The following TMEM164 variants were observed in gnomAD, a reference collection of about 807,000 sequenced individuals.
TMEM164 encodes the protein transmembrane protein 164.
TMEM164 carries 4 observed loss-of-function variants against 18.8 expected under a neutral mutation model. That is an observed-to-expected ratio of 0.21 (90% CI 0.10 to 0.49). The LOEUF is 0.49. Among genes scored for constraint, TMEM164 ranks in the 20% least tolerant of loss-of-function variants. The pLI is 0.98. For synonymous variants in TMEM164, 86 were observed against 101.7 expected (o/e 0.85, Z 0.93); for missense variants, 108 against 239.9 (o/e 0.45, Z 3.63).
At chrX:110,167,593 C>T (rs1044343836) in intron 5 of TMEM164, among the ~76,000 whole-genome samples, 9 of 111,348 alleles carry the variant, frequency 8.1e-5, no homozygotes, top group Admixed American at 2.9e-4. Flanking sequence ...AATATCTTTG[C>T]GCAAATTAGG....
chrX:110,062,112 A>G (rs920204951), intron 2 of TMEM164, among the ~76,000 whole-genome samples: 5 of 112,295 alleles, frequency 4.5e-5, no homozygotes, highest in Non-Finnish European at 9.4e-5. Flanking sequence ...GCTTCCATAA[A>G]TAAAAACCTA....
At chrX:110,034,420 C>T (rs951577587) in intron 2 of TMEM164, among the ~76,000 whole-genome samples, 2 of 112,379 alleles carry the variant, frequency 1.8e-5, no homozygotes, top group Admixed American at 1.9e-4. Context: ...CTGTAAAGGG[C>T]CAGATAGTAA....
At chrX:110,079,979 A>G (rs998134042) in intron 3 of TMEM164, among the ~76,000 whole-genome samples, 1 of 110,928 alleles carries the variant, frequency 9.0e-6, no homozygotes, top group African/African-American at 3.3e-5. Flanking sequence ...TTAAAGTATA[A>G]TAATAATTAA....
At chrX:110,100,500 T>C (rs1379804169) in intron 3 of TMEM164, among the ~76,000 whole-genome samples, 1 of 111,893 alleles carries the variant, frequency 8.9e-6, no homozygotes, top group African/African-American at 3.2e-5. Context: ...ATTTGGTGAA[T>C]TATATTAATT....
intron 2 of TMEM164, among the ~76,000 whole-genome samples, chrX:110,055,792 G>C (rs745551260): frequency 9.0e-6 from 1 of 110,873 alleles, no homozygotes; most frequent in Non-Finnish European, 1.9e-5. Context: ...GGAAGGAATA[G>C]CGAGAAGAAA....
Position 110,027,191 on chromosome X carries a change from A to G in TMEM164, c.390+23027A>G, listed in dbSNP as rs759638591. Among the ~76,000 whole-genome samples, 159 of 111,361 alleles carry G rather than the reference A, an allele frequency of 1.4e-3. 1 individual carries two copies. The highest frequency in any genetic ancestry group is 4.8e-3 in the African/African-American group (148 of 30,619). On this transcript the variant is annotated intron_variant, in intron 2 of 6. Transcript: ENST00000372068. Reference sequence around the variant, plus strand: ...TATAATTTTTTTGTTGGTATTATTTATTAGATTATAGAAGTTCCCTCCTAT... The same window carrying G: ...TATAATTTTTTTGTTGGTATTATTTGTTAGATTATAGAAGTTCCCTCCTAT...
intron 3 of TMEM164, among the ~76,000 whole-genome samples, chrX:110,108,279 TTTAA>T (rs1422064772): frequency 9.1e-6 from 1 of 110,460 alleles, no homozygotes; most frequent in Non-Finnish European, 1.9e-5. Flanking sequence ...ACCATTTGCC[TTTAA>T]TAATGAAGGA....
chrX:110,092,967 T>C (rs1173684321), intron 3 of TMEM164, among the ~76,000 whole-genome samples: 2 of 112,094 alleles, frequency 1.8e-5, no homozygotes, highest in Non-Finnish European at 3.8e-5. Context: ...ATTGAGATAA[T>C]CGTGTGGTTT....
At chrX:110,111,425 ATC>A (rs1376578180) in intron 4 of TMEM164, among the ~76,000 whole-genome samples, 4 of 112,421 alleles carry the variant, frequency 3.6e-5, no homozygotes, top group African/African-American at 1.3e-4. Flanking sequence ...CTATCTTATC[ATC>A]TCTCTGCTCC....
At chrX:110,159,270 G>A (rs1054670886) in intron 5 of TMEM164, among the ~76,000 whole-genome samples, 1 of 111,094 alleles carries the variant, frequency 9.0e-6, no homozygotes, top group African/African-American at 3.3e-5. Flanking sequence ...GTCCAAGCTG[G>A]TGTGGAAGAA....
rs2067285734 is a variant in TMEM164, at chrX:110,176,063, G to T, written c.*2612G>T. 8 of 756,993 alleles carry T rather than the reference G, an allele frequency of 1.1e-5. No individual in the cohort carries two copies. Among genetic ancestry groups the T allele is most frequent in the Non-Finnish European group, 1.3e-5 (8 of 639,782 alleles). The allele number at this position is 756,993 out of a possible 1,213,427, so 62.4% of individuals were successfully genotyped here. A position where few individuals can be genotyped will look rare whatever the true frequency, so the allele number is the denominator to read the frequency against. Reference sequence around the variant, plus strand: ...GGGCTTTCCTGTCAGTGCCAAGCCAGTTCCCCAGCCAGGTTTCCGTGTGCC... The same window carrying T: ...GGGCTTTCCTGTCAGTGCCAAGCCATTTCCCCAGCCAGGTTTCCGTGTGCC... On this transcript the variant is annotated 3_prime_UTR_variant, in exon 7 of 7. Transcript: ENST00000372068.
At chrX:110,133,157 T>C in intron 4 of TMEM164, among the ~76,000 whole-genome samples, 1 of 105,933 alleles carries the variant, frequency 9.4e-6, no homozygotes, top group South Asian at 3.8e-4. Context: ...TTCTTTATTG[T>C]TTTTTTCTTT....
intron 3 of TMEM164, among the ~76,000 whole-genome samples, chrX:110,096,620 G>A (rs375557628): frequency 5.3e-5 from 6 of 112,267 alleles, no homozygotes; most frequent in East Asian, 5.6e-4. Context: ...GGAATTCCCC[G>A]ACCCCTTGTT....
At position 110,003,642 on chromosome X, in the gene TMEM164, G is replaced by A; in HGVS notation, c.-133G>A. 4 of 747,830 alleles carry A rather than the reference G, an allele frequency of 5.3e-6. No homozygotes were observed. Among genetic ancestry groups the A allele is most frequent in the Non-Finnish European group, 5.8e-6 (3 of 520,785 alleles). 61.6% of individuals were successfully genotyped at this position (747,830 alleles called of 1,213,427 possible). ...GTGTAGCTTCCCCTCCCCTACTCTC[G>A]GTGCCCTGGTGTCTGGAGGGGGGTT... is the stretch of plus-strand genomic sequence containing the variant. On this transcript the variant is annotated 5_prime_UTR_variant, in exon 2 of 7. Transcript: ENST00000372068.
intron 2 of TMEM164, among the ~76,000 whole-genome samples, chrX:110,033,049 G>A (rs2147759701): frequency 8.9e-6 from 1 of 112,302 alleles, no homozygotes; most frequent in South Asian, 3.7e-4. Flanking sequence ...GAAAGCTCAT[G>A]AGAACAATTG....
chrX:110,148,644 G>C (rs2066893394), intron 5 of TMEM164, among the ~76,000 whole-genome samples: 1 of 106,942 alleles, frequency 9.4e-6, no homozygotes. Context: ...AAGTAGCTGG[G>C]ACTACAGGCA....
chrX:110,035,230 A>G (rs1934734477), intron 2 of TMEM164, among the ~76,000 whole-genome samples: 1 of 110,674 alleles, frequency 9.0e-6, no homozygotes, highest in Non-Finnish European at 1.9e-5. Flanking sequence ...TAATAATAAA[A>G]TAAAATTAAA....
intron 3 of TMEM164, among the ~76,000 whole-genome samples, chrX:110,089,141 A>G (rs2065892290): frequency 8.9e-6 from 1 of 112,305 alleles, no homozygotes; most frequent in Non-Finnish European, 1.9e-5. Flanking sequence ...AAAGTAATCC[A>G]TGCTAATTGT....
At chrX:110,170,638 G>T (rs1188827578) in intron 5 of TMEM164, among the ~76,000 whole-genome samples, 1 of 111,430 alleles carries the variant, frequency 9.0e-6, no homozygotes, top group Non-Finnish European at 1.9e-5. Flanking sequence ...CAGGCCTACT[G>T]GGATGATACT....
Sources: gnomAD v4.1 joint callset for allele counts (sites outside exome capture counted in the v4.1 genomes callset) on GRCh38, gnomAD v4.1.1 for gene constraint, MANE v1.5 for transcripts, NCBI Gene and HGNC (gene_info 2026-07-23, HGNC 2026-07-21) for gene names.